The following NEGR1 variants were observed in gnomAD, a reference collection of about 807,000 sequenced individuals.
The protein encoded by NEGR1 is neuronal growth regulator 1, also known as IgLON family member 4.
A neutral mutation model predicts 40.9 loss-of-function variants in NEGR1; 10 were observed. The observed-to-expected ratio is 0.24, with a 90% confidence interval of 0.15 to 0.42. NEGR1 has a LOEUF of 0.42. NEGR1 is among the 10% of genes least tolerant of loss of function. The pLI is 1.00. For synonymous variants in NEGR1, 185 were observed against 166.8 expected (o/e 1.11, Z -0.84); for missense variants, 352 against 438.9 (o/e 0.80, Z 1.77).
At chr1:71,440,928 T>C (rs1646542702) in intron 6 of NEGR1, among the ~76,000 whole-genome samples, 1 of 152,190 alleles carries the variant, frequency 6.6e-6, no homozygotes, top group African/African-American at 2.4e-5. Context: ...TTCCAAATGA[T>C]CAGACCCATG....
At chr1:71,937,579 G>A (rs1570528656) in intron 1 of NEGR1, among the ~76,000 whole-genome samples, 1 of 152,302 alleles carries the variant, frequency 6.6e-6, no homozygotes, top group East Asian at 1.9e-4. Flanking sequence ...ACTGGCCTAA[G>A]CCACGATATT....
intron 1 of NEGR1, among the ~76,000 whole-genome samples, chr1:72,248,789 G>T (rs1404021519): frequency 6.6e-6 from 1 of 151,556 alleles, no homozygotes; most frequent in Non-Finnish European, 1.5e-5. Flanking sequence ...CGCCATGTTG[G>T]CCAGGCTGGT....
At chr1:71,502,738 G>A (rs1283113073) in intron 6 of NEGR1, among the ~76,000 whole-genome samples, 1 of 152,170 alleles carries the variant, frequency 6.6e-6, no homozygotes, top group African/African-American at 2.4e-5. Context: ...AGGCAACCTC[G>A]TGCATGAGCT....
At position 71,407,071 on chromosome 1, in the gene NEGR1, C is replaced by G. The variant is rs540483714; in HGVS notation, c.*375G>C. On this transcript the variant is annotated 3_prime_UTR_variant, in exon 7 of 7. Coordinates refer to ENST00000357731, the MANE Select transcript of NEGR1 (RefSeq NM_173808.3). ...AGGGAACTGAATGCTTGTATTGCAG[C>G]CTTAAAGAATCACATATTCACTGCA... The G allele has an allele frequency of 6.4e-6, 1 of 155,428 alleles. No homozygotes were observed. The highest frequency in any genetic ancestry group is 1.9e-4 in the East Asian group (1 of 5,294). 9.6% of individuals were successfully genotyped at this position (155,428 alleles called of 1,614,324 possible). A position where few individuals can be genotyped will look rare whatever the true frequency, so the allele number is the denominator to read the frequency against.
intron 2 of NEGR1, among the ~76,000 whole-genome samples, chr1:71,867,743 A>G (rs1660159872): frequency 6.6e-6 from 1 of 152,088 alleles, no homozygotes; most frequent in Non-Finnish European, 1.5e-5. Context: ...TGGCTCAACC[A>G]CCTCTACAAT....
chr1:71,828,971 G>T (rs1202590297), intron 2 of NEGR1, among the ~76,000 whole-genome samples: 1 of 151,904 alleles, frequency 6.6e-6, no homozygotes, highest in Non-Finnish European at 1.5e-5. Flanking sequence ...GAAAAAAGAG[G>T]AAAACACTAT....
chr1:72,115,154 A>T (rs1649532586), intron 1 of NEGR1, among the ~76,000 whole-genome samples: 1 of 151,716 alleles, frequency 6.6e-6, no homozygotes, highest in Non-Finnish European at 1.5e-5. Context: ...TATTCTCAGG[A>T]ATGCAAGTGC....
chr1:72,266,225 T>TA (rs1312020207), intron 1 of NEGR1, among the ~76,000 whole-genome samples: 2 of 150,924 alleles, frequency 1.3e-5, no homozygotes, highest in African/African-American at 4.8e-5. Flanking sequence ...AATACATATT[T>TA]ACCTCAACAT....
chr1:72,256,897 G>A (rs1020364296), intron 1 of NEGR1, among the ~76,000 whole-genome samples: 5 of 152,126 alleles, frequency 3.3e-5, no homozygotes, highest in Non-Finnish European at 5.9e-5. Context: ...AACTTGGAAT[G>A]TGCATATAAA....
chr1:71,774,671 C>CT (rs1656440750), intron 3 of NEGR1, among the ~76,000 whole-genome samples: 1 of 119,648 alleles, frequency 8.4e-6, no homozygotes, highest in Non-Finnish European at 1.8e-5. Context: ...ATCAGCCTTG[C>CT]TCAGGGTATT....
At chr1:71,914,672 G>A (rs1167409971) in intron 2 of NEGR1, among the ~76,000 whole-genome samples, 2 of 152,142 alleles carry the variant, frequency 1.3e-5, no homozygotes, top group Non-Finnish European at 2.9e-5. Context: ...CAGTCCGATG[G>A]AAAGATAATG....
At chr1:71,602,238 C>CTTTTTTTTTTTTTTTTTTTTTTTTTTTT (rs386367303) in intron 5 of NEGR1, among the ~76,000 whole-genome samples, 1 of 64,538 alleles carries the variant, frequency 1.5e-5, no homozygotes, top group Non-Finnish European at 2.7e-5. Context: ...CATGATTATT[C>CTTTTTTTTTTTTTTTTTTTTTTTTTTTT]TTTTTTTTTT....
chr1:71,981,715 T>A (rs909862015), intron 1 of NEGR1, among the ~76,000 whole-genome samples: 1 of 152,072 alleles, frequency 6.6e-6, no homozygotes, highest in Admixed American at 6.6e-5. Flanking sequence ...TGAATCTCAG[T>A]GTAAGAATAT....
intron 6 of NEGR1, among the ~76,000 whole-genome samples, chr1:71,548,085 C>A (rs1647960002): frequency 6.6e-6 from 1 of 151,642 alleles, no homozygotes; most frequent in South Asian, 2.1e-4. Flanking sequence ...ACAGCCTTAG[C>A]CATCATCTTG....
intron 1 of NEGR1, among the ~76,000 whole-genome samples, chr1:71,994,753 G>A (rs981636662): frequency 3.9e-5 from 6 of 152,068 alleles, no homozygotes; most frequent in Admixed American, 3.3e-4. Context: ...CTTAGACTGA[G>A]TATTTATTTC....
At chr1:71,579,952 G>T (rs1320883696) in intron 6 of NEGR1, among the ~76,000 whole-genome samples, 1 of 152,188 alleles carries the variant, frequency 6.6e-6, no homozygotes, top group African/African-American at 2.4e-5. Context: ...TTGTAAGAAA[G>T]AATTGGTTTG....
intron 1 of NEGR1, among the ~76,000 whole-genome samples, chr1:72,022,586 G>A (rs1199095346): frequency 2.7e-5 from 4 of 150,594 alleles, no homozygotes. Flanking sequence ...ATAAATTATA[G>A]ATTAAGGACA....
intron 3 of NEGR1, among the ~76,000 whole-genome samples, chr1:71,700,438 A>G (rs1230096327): frequency 6.6e-6 from 1 of 152,018 alleles, no homozygotes; most frequent in Admixed American, 6.6e-5. Flanking sequence ...TGTCATTCTT[A>G]GAACTATACA....
chr1:72,227,155 T>C (rs1165914632), intron 1 of NEGR1, among the ~76,000 whole-genome samples: 1 of 152,114 alleles, frequency 6.6e-6, no homozygotes, highest in Non-Finnish European at 1.5e-5. Context: ...GAGTTAATTT[T>C]CTTGGAACTC....
Sources: gnomAD v4.1 joint callset for allele counts (sites outside exome capture counted in the v4.1 genomes callset) on GRCh38, gnomAD v4.1.1 for gene constraint, MANE v1.5 for transcripts, NCBI Gene and HGNC (gene_info 2026-07-23, HGNC 2026-07-21) for gene names.